MAPK14: variants seen among roughly 807,000 people sequenced by gnomAD.
The protein encoded by MAPK14 is CSAID-binding protein.
A neutral mutation model predicts 49.6 loss-of-function variants in MAPK14; 16 were observed. That is an observed-to-expected ratio of 0.32 (90% confidence interval 0.22 to 0.49). The LOEUF (loss-of-function observed/expected upper bound fraction) is 0.49, where lower values mean the gene tolerates loss of function less well. Ranked by LOEUF, MAPK14 falls within the 20% of genes least tolerant of loss-of-function variation. MAPK14 has a pLI of 0.99. For synonymous variants in MAPK14, 142 were observed against 158.0 expected (o/e 0.90, Z 0.76); for missense variants, 200 against 441.2 (o/e 0.45, Z 4.90).
At chr6:36,033,096 T>C (rs1762604739) in intron 1 of MAPK14, among the ~76,000 whole-genome samples, 1 of 152,194 alleles carries the variant, frequency 6.6e-6, no homozygotes, top group African/African-American at 2.4e-5. Context: ...GTGTGCCCTT[T>C]ACTTTTCTAG....
chr6:36,095,376 A>G (rs1244772264), intron 8 of MAPK14, among the ~76,000 whole-genome samples: 3 of 152,256 alleles, frequency 2.0e-5, no homozygotes, highest in Non-Finnish European at 4.4e-5. Flanking sequence ...ACTCTCCCTC[A>G]TAGTGCCTGC....
chr6:36,113,697 C>A (rs1264209579), downstream of MAPK14, among the ~76,000 whole-genome samples: 13 of 152,100 alleles, frequency 8.5e-5, no homozygotes, highest in Admixed American at 6.5e-4. Context: ...TAATGTGTAC[C>A]TTTTTTTACA....
At chr6:36,099,695 C>G (rs555848131) in intron 9 of MAPK14, among the ~76,000 whole-genome samples, 2 of 152,312 alleles carry the variant, frequency 1.3e-5, no homozygotes, top group South Asian at 4.1e-4. Context: ...AACCCAGATG[C>G]CCACGTGTGT....
intron 3 of MAPK14, among the ~76,000 whole-genome samples, chr6:36,060,080 TG>T (rs1763751503): frequency 6.6e-6 from 1 of 152,080 alleles, no homozygotes; most frequent in South Asian, 2.1e-4. Flanking sequence ...GAACCAGTAG[TG>T]GGGGGCTAGG....
At chr6:36,078,753 C>T (rs1241545120) in intron 8 of MAPK14, among the ~76,000 whole-genome samples, 2 of 152,158 alleles carry the variant, frequency 1.3e-5, no homozygotes, top group African/African-American at 2.4e-5. Flanking sequence ...AAGTCGAATT[C>T]AAAGGATTTT....
chr6:36,118,575 C>T, the MAPK14 span, among the ~76,000 whole-genome samples: 11 of 152,200 alleles, frequency 7.2e-5, no homozygotes, highest in Admixed American at 5.2e-4. Flanking sequence ...TGGGTTACCT[C>T]GACCTGATCA....
At chr6:36,030,666 G>A (rs1274785264) in intron 1 of MAPK14, among the ~76,000 whole-genome samples, 4 of 125,830 alleles carry the variant, frequency 3.2e-5, no homozygotes, top group Admixed American at 9.6e-5. Flanking sequence ...CAGCCTGGGC[G>A]AAAGTGCGAG....
intron 4 of MAPK14, 39 bp from the exon 5 acceptor site, chr6:36,073,652 G>C: frequency 6.5e-7 from 1 of 1,540,352 alleles, no homozygotes; most frequent in Non-Finnish European, 8.9e-7. Context: ...TATGACAATA[G>C]AAGGTTGGAG....
At position 36,028,114 on chromosome 6, in the gene MAPK14, G is replaced by A. The variant is rs1469866016; in HGVS notation, c.-44G>A. 4 of 1,389,956 alleles carry A rather than the reference G, an allele frequency of 2.9e-6. No homozygotes were observed. The highest frequency in any genetic ancestry group is 1.8e-5 in the Admixed American group (1 of 55,924). The allele number at this position is 1,389,956 out of a possible 1,614,324, so 86.1% of individuals were successfully genotyped here. On this transcript the variant is annotated 5_prime_UTR_variant, in exon 1 of 12. Transcript: ENST00000229794. This position sits in a 1 kb window ranked among gnomAD's most constrained non-coding sequence, Gnocchi z 5.1. Reference sequence around the variant, plus strand: ...GGGAGAGGGTGCGGGTGCAGGCGGGGGCCCCACAGGGCCACCTTCTTGCCC... The same window carrying A: ...GGGAGAGGGTGCGGGTGCAGGCGGGAGCCCCACAGGGCCACCTTCTTGCCC...
chr6:36,117,139 GTCTC>G, the MAPK14 span, among the ~76,000 whole-genome samples: 1 of 152,142 alleles, frequency 6.6e-6, no homozygotes, highest in Non-Finnish European at 1.5e-5. Flanking sequence ...CACACACTGG[GTCTC>G]TCTCCCTAGT....
rs547054343 is a variant in MAPK14, at chr6:36,057,864, G to A, written c.247-1425G>A. Among the ~76,000 whole-genome samples, 3 of 152,322 alleles carry A rather than the reference G, an allele frequency of 2.0e-5. No homozygotes were observed. In the South Asian group the frequency reaches 6.2e-4, roughly 32 times the overall value. ...TGGCAGTTTAGAACAGTGTGCTAGT[G>A]AGGCCACAGTCTTGCTTCATAACCA... On this transcript the variant is annotated intron_variant, in intron 2 of 11. Transcript: ENST00000229794.
At chr6:36,061,924 G>T (rs1310172057) in intron 3 of MAPK14, among the ~76,000 whole-genome samples, 2 of 152,152 alleles carry the variant, frequency 1.3e-5, no homozygotes, top group East Asian at 1.9e-4. Context: ...ACTTTTTATT[G>T]TGATGTTCAT....
the MAPK14 span, among the ~76,000 whole-genome samples, chr6:36,123,972 T>C: frequency 6.6e-6 from 1 of 150,576 alleles, no homozygotes; most frequent in Non-Finnish European, 1.5e-5. Context: ...GGCTGAGAGG[T>C]GCCCGACTCA....
chr6:36,059,663 T>TTTGTTGTTG (rs58187530), intron 3 of MAPK14, among the ~76,000 whole-genome samples: 1 of 151,476 alleles, frequency 6.6e-6, no homozygotes, highest in African/African-American at 2.4e-5. Flanking sequence ...CAGGTTTGGT[T>TTTGTTGTTG]TTGTTGTTGT....
intron 3 of MAPK14, among the ~76,000 whole-genome samples, chr6:36,069,782 A>G (rs1223616685): frequency 6.6e-6 from 1 of 152,134 alleles, no homozygotes. Flanking sequence ...ACTCACTGGT[A>G]ACCATTTACA....
rs200060741 is a variant in MAPK14 at position 36,028,222 on chromosome 6, A to T, written c.65A>T (p.Glu22Val). ...AACAAGACAATCTGGGAGGTGCCCGAGCGTTACCAGAACCTGTCTCCAGTG... is the reference window on the plus strand; with the variant it reads ...AACAAGACAATCTGGGAGGTGCCCGTGCGTTACCAGAACCTGTCTCCAGTG... ...ELNKTIWEVP[E>V]RYQNLSPVGS... Residue 22 changes from glutamate to valine, a missense_variant, in exon 1 of 12, where the codon GAG (glutamate) becomes GTG (valine). This residue lies in a region of MAPK14 where 30 missense variants were observed against 34.2 expected (regional missense o/e 0.88). Transcript: ENST00000229794. The surrounding 1 kb of genome is among the most constrained non-coding windows in gnomAD (Gnocchi z 5.1). 46 of 1,613,868 alleles carry T rather than the reference A, an allele frequency of 2.9e-5. 2 individuals carry two copies. In the South Asian group the frequency reaches 5.1e-4, roughly 18 times the overall value.
At chr6:36,073,027 C>A in intron 4 of MAPK14, 43 bp downstream of exon 4, 2 of 1,222,578 alleles carry the variant, frequency 1.6e-6, no homozygotes, top group South Asian at 1.2e-5. Context: ...TGAATTCTCC[C>A]TTTCTCCCCT....
At chr6:36,080,831 G>GT (rs763769150) in intron 8 of MAPK14, among the ~76,000 whole-genome samples, 2 of 151,478 alleles carry the variant, frequency 1.3e-5, no homozygotes, top group Non-Finnish European at 2.9e-5. Flanking sequence ...GAGGATTCCT[G>GT]TATCTCCAAA....
chr6:36,044,540 G>A (rs1431849826), intron 1 of MAPK14, among the ~76,000 whole-genome samples: 1 of 152,120 alleles, frequency 6.6e-6, no homozygotes, highest in Non-Finnish European at 1.5e-5. Context: ...GCCCATCATG[G>A]AATATAAACA....
Sources: gnomAD v4.1 joint callset for allele counts (sites outside exome capture counted in the v4.1 genomes callset) on GRCh38, gnomAD v4.1.1 for gene constraint, gnomAD v4.1.1 regional missense constraint, Gnocchi (gnomAD v3.1) non-coding constraint, MANE v1.5 for transcripts, NCBI Gene and HGNC (gene_info 2026-07-23, HGNC 2026-07-21) for gene names.